PTPRD: variants seen among roughly 807,000 people sequenced by gnomAD.
The protein encoded by PTPRD is protein tyrosine phosphatase receptor type D, also known as receptor-type tyrosine-protein phosphatase delta.
In PTPRD, 34 loss-of-function variants were observed where a neutral mutation model predicts 214.5. The ratio of observed to expected loss-of-function variants is 0.16; its 90% CI spans 0.12 to 0.21. The LOEUF (loss-of-function observed/expected upper bound fraction) is 0.21. Ranked by LOEUF, PTPRD falls within the 10% of genes least tolerant of loss-of-function variation. The pLI, the probability that PTPRD is intolerant of heterozygous loss-of-function variation, is 1.00. For missense variants in PTPRD, 2,545 were observed against 2,398.7 expected (o/e 1.06, Z -1.27); for synonymous variants, 1,128 against 845.7 (o/e 1.33, Z -5.79).
At chr9:9,717,979 A>G (rs1180359302) in intron 7 of PTPRD, among the ~76,000 whole-genome samples, 4 of 152,180 alleles carry the variant, frequency 2.6e-5, no homozygotes, top group Non-Finnish European at 4.4e-5. Flanking sequence ...AATTCAAATC[A>G]TCCTCAGCTT....
intron 2 of PTPRD, among the ~76,000 whole-genome samples, chr9:10,396,462 C>T (rs1382857273): frequency 6.6e-6 from 1 of 151,908 alleles, no homozygotes; most frequent in Admixed American, 6.6e-5. Flanking sequence ...ATCTAATTAT[C>T]TAAATTATTC....
intron 2 of PTPRD, among the ~76,000 whole-genome samples, chr9:10,568,958 A>C (rs1423439483): frequency 6.6e-6 from 1 of 152,162 alleles, no homozygotes; most frequent in East Asian, 1.9e-4. Flanking sequence ...TGCACAGCAA[A>C]AGAAACTACC....
At chr9:9,868,789 C>G (rs1276878129) in intron 5 of PTPRD, among the ~76,000 whole-genome samples, 1 of 151,454 alleles carries the variant, frequency 6.6e-6, no homozygotes, top group Non-Finnish European at 1.5e-5. Flanking sequence ...GACTTATAAA[C>G]AATAAAGAAT....
intron 3 of PTPRD, among the ~76,000 whole-genome samples, chr9:10,271,219 T>C (rs1353861204): frequency 1.3e-5 from 2 of 152,200 alleles, no homozygotes; most frequent in African/African-American, 4.8e-5. Flanking sequence ...ATATTTACTA[T>C]TTTAAATTCC....
At chr9:9,276,655 C>G (rs1945765090) in intron 9 of PTPRD, among the ~76,000 whole-genome samples, 1 of 151,356 alleles carries the variant, frequency 6.6e-6, no homozygotes, top group Non-Finnish European at 1.5e-5. Flanking sequence ...GTGCTTTAAT[C>G]TACACATGTA....
chr9:9,592,814 G>T (rs2092875480), intron 7 of PTPRD, among the ~76,000 whole-genome samples: 1 of 152,090 alleles, frequency 6.6e-6, no homozygotes, highest in Non-Finnish European at 1.5e-5. Flanking sequence ...GGAGGTTGAG[G>T]TGGGTGGATA....
At chr9:10,221,520 T>G (rs1051691806) in intron 3 of PTPRD, among the ~76,000 whole-genome samples, 4 of 152,030 alleles carry the variant, frequency 2.6e-5, no homozygotes, top group Non-Finnish European at 5.9e-5. Context: ...GAAATAGTAA[T>G]ATAAAATTTA....
chr9:10,541,542 T>C (rs556863837), intron 2 of PTPRD, among the ~76,000 whole-genome samples: 3 of 151,982 alleles, frequency 2.0e-5, no homozygotes, highest in Non-Finnish European at 4.4e-5. Flanking sequence ...CTTATATATA[T>C]TTATATAATA....
intron 12 of PTPRD, among the ~76,000 whole-genome samples, chr9:8,716,396 A>C (rs570842130): frequency 5.3e-5 from 8 of 152,368 alleles, no homozygotes; most frequent in Admixed American, 1.3e-4. Flanking sequence ...AGGTAATAGA[A>C]TCCATTCTCT....
At chr9:9,367,622 G>T (rs1437750659) in intron 9 of PTPRD, among the ~76,000 whole-genome samples, 1 of 151,572 alleles carries the variant, frequency 6.6e-6, no homozygotes, top group African/African-American at 2.4e-5. Context: ...AAAAAAAACA[G>T]TAGATTGCCA....
chr9:9,159,511 G>A (rs1376157880), intron 10 of PTPRD, among the ~76,000 whole-genome samples: 1 of 152,024 alleles, frequency 6.6e-6, no homozygotes, highest in Non-Finnish European at 1.5e-5. Context: ...GGAGGTGAAA[G>A]ATCTGTATAC....
intron 9 of PTPRD, among the ~76,000 whole-genome samples, chr9:9,324,277 A>G (rs1968508768): frequency 6.6e-6 from 1 of 152,206 alleles, no homozygotes; most frequent in Admixed American, 6.5e-5. Flanking sequence ...TGTCTTCCGC[A>G]GTGGTTGAAC....
chr9:9,902,164 CTATTT>C (rs1488153733), intron 5 of PTPRD, among the ~76,000 whole-genome samples: 8 of 152,084 alleles, frequency 5.3e-5, no homozygotes, highest in Non-Finnish European at 1.2e-4. Context: ...ATTGTTGATT[CTATTT>C]TATAATTCTA....
chr9:9,040,815 T>C (rs1008837207), intron 10 of PTPRD, among the ~76,000 whole-genome samples: 6 of 152,202 alleles, frequency 3.9e-5, no homozygotes, highest in Admixed American at 1.3e-4. Context: ...GACTTGCAGC[T>C]AATGTTGCTT....
chr9:9,913,758 C>T (rs1035715392), intron 5 of PTPRD, among the ~76,000 whole-genome samples: 3 of 152,138 alleles, frequency 2.0e-5, no homozygotes, highest in Non-Finnish European at 2.9e-5. Context: ...ACCCTGAAAC[C>T]AGTTTAGAGA....
intron 21 of PTPRD, among the ~76,000 whole-genome samples, chr9:8,512,197 G>A (rs964632421): frequency 2.6e-5 from 4 of 152,008 alleles, no homozygotes; most frequent in Middle Eastern, 6.8e-3. Context: ...CAATAAAACC[G>A]ACAGCCAGAA....
chr9:9,410,481 C>A (rs1569568081), intron 8 of PTPRD, among the ~76,000 whole-genome samples: 1 of 152,154 alleles, frequency 6.6e-6, no homozygotes, highest in Non-Finnish European at 1.5e-5. Context: ...CACAGAAATA[C>A]ACAAGCATTC....
intron 3 of PTPRD, among the ~76,000 whole-genome samples, chr9:10,139,581 T>G (rs1235410940): frequency 6.6e-6 from 1 of 151,974 alleles, no homozygotes; most frequent in Non-Finnish European, 1.5e-5. Flanking sequence ...AAGGTATTCT[T>G]AAGCAAACAA....
intron 7 of PTPRD, among the ~76,000 whole-genome samples, chr9:9,705,437 T>C (rs866780981): frequency 2.5e-4 from 38 of 152,148 alleles, no homozygotes; most frequent in African/African-American, 8.9e-4. Context: ...ATTAAAACAC[T>C]CTGAAGTGGC....
Sources: allele counts gnomAD v4.1 joint callset (sites outside exome capture counted in the v4.1 genomes callset), GRCh38; gene constraint gnomAD v4.1.1; transcripts MANE v1.5; gene names NCBI Gene and HGNC (gene_info 2026-07-23, HGNC 2026-07-21).